The following CAPNS2 variants were observed in gnomAD, a reference collection of about 807,000 sequenced individuals.
CAPNS2 encodes calcium-dependent protease small subunit 2.
In CAPNS2, 13 loss-of-function variants were observed where a neutral mutation model predicts 17.5. The ratio of observed to expected loss-of-function variants is 0.74; its 90% CI spans 0.48 to 1.18. CAPNS2 has a LOEUF of 1.18. Ranked by LOEUF, CAPNS2 falls within the 50% of genes most tolerant of loss-of-function variation. CAPNS2 has a pLI of 0.00. For missense variants in CAPNS2, 279 were observed against 301.6 expected, an observed-to-expected ratio of 0.93 and a Z score of 0.55; for synonymous variants, 101 against 108.2, an observed-to-expected ratio of 0.93 and a Z score of 0.41.
chr16:55,567,645 G>A lies in CAPNS2; in HGVS notation c.*142G>A. On this transcript the variant is annotated 3_prime_UTR_variant, in exon 1 of 1. Transcript: ENST00000457326. ...CAACCCTACATATTTCTGATCATGT[G>A]CTGCCTTTTACTGCTGAATTAAAAC... The A allele has an allele frequency of 4.9e-6, 4 of 823,150 alleles. No individual in the cohort carries two copies. The highest frequency in any genetic ancestry group is 7.7e-6 in the Non-Finnish European group (4 of 519,072). The allele number at this position is 823,150 out of a possible 1,614,324, so 51.0% of individuals were successfully genotyped here. A position where few individuals can be genotyped will look rare whatever the true frequency, so the allele number is the denominator to read the frequency against.
rs1474638171 is a variant in CAPNS2 at position 55,567,497 on chromosome 16, T to C, written c.741T>C (p.Tyr247=). ...SIKEWLQLTM[Y]S The stretch of plus-strand genomic sequence containing the variant: ...AAGAATGGCTGCAGTTGACCATGTA[T>C]TCCTGAAGTGGGAACTGAGAAGTCA... The change falls in exon 1 of 1, where the codon TAT becomes TAC. Residue 247 remains tyrosine (Y), a synonymous_variant. Coordinates refer to ENST00000457326, the MANE Select transcript of CAPNS2 (RefSeq NM_032330.3). 1 of 1,612,386 alleles carries C rather than the reference T, an allele frequency of 6.2e-7. No homozygotes were observed. The highest frequency in any genetic ancestry group is 1.7e-5 in the Admixed American group (1 of 59,866).
rs745910807 is a variant in CAPNS2 at position 55,567,200 on chromosome 16, GAAC to G, written c.449_451del (p.Asn150del). ...GCTTTGAAGAATTTAAGTATCTGTGGAACAACATCAAGAAATGGCAGTGTGTTT... is the reference window on the plus strand; with the variant it reads ...GCTTTGAAGAATTTAAGTATCTGTGGAACATCAAGAAATGGCAGTGTGTTT... On this transcript the variant is annotated inframe_deletion, in exon 1 of 1. Coordinates refer to ENST00000457326, the MANE Select transcript of CAPNS2 (RefSeq NM_032330.3). 19 of 1,613,702 alleles carry G rather than the reference GAAC, an allele frequency of 1.2e-5. No individual in the cohort carries two copies. Among genetic ancestry groups the G allele is most frequent in the Admixed American group, 1.7e-5 (1 of 59,962 alleles).
chr16:55,567,154 G>T lies in CAPNS2; in HGVS notation c.398G>T (p.Ser133Ile). ...CGGAGCATTGTGTCTGTCATGGACAGTGACACGACTGGTAAGCTGGGCTTT... is the reference window on the plus strand; with the variant it reads ...CGGAGCATTGTGTCTGTCATGGACATTGACACGACTGGTAAGCTGGGCTTT... ...TCRSIVSVMD[S>I]DTTGKLGFEE... Residue 133 changes from serine (S) to isoleucine (I), a missense_variant, in exon 1 of 1, where the codon AGT becomes ATT. Ser to Ile is a moderately radical substitution (Grantham distance 142, BLOSUM62 -2). Transcript: ENST00000457326. 6.2e-7 allele frequency: 1 copy of T among 1,613,906 alleles called. No individual in the cohort carries two copies. The highest frequency in any genetic ancestry group is 1.3e-5 in the African/African-American group (1 of 75,036).
In CAPNS2 at chr16:55,567,648, G is replaced by A; in HGVS notation, c.*145G>A. On this transcript the variant is annotated 3_prime_UTR_variant, in exon 1 of 1. Transcript: ENST00000457326. Reference sequence around the variant, plus strand: ...CCCTACATATTTCTGATCATGTGCTGCCTTTTACTGCTGAATTAAAACAGA... The same window carrying A: ...CCCTACATATTTCTGATCATGTGCTACCTTTTACTGCTGAATTAAAACAGA... 1.3e-6 allele frequency: 1 copy of A among 763,500 alleles called. No homozygotes were observed. The highest frequency in any genetic ancestry group is 2.1e-6 in the Non-Finnish European group (1 of 468,206). The allele number at this position is 763,500 out of a possible 1,614,324, so 47.3% of individuals were successfully genotyped here.
Position 55,567,193 on chromosome 16 carries a change from A to G in CAPNS2, c.437A>G (p.Tyr146Cys), listed in dbSNP as rs376602006. ...AAGCTGGGCTTTGAAGAATTTAAGT[A>G]TCTGTGGAACAACATCAAGAAATGG... is the stretch of plus-strand genomic sequence containing the variant. The part of the protein sequence containing the change: ...TGKLGFEEFK[Y>C]LWNNIKKWQC... Residue 146 changes from tyrosine to cysteine, a missense_variant, in exon 1 of 1, where the codon TAT (tyrosine) becomes TGT (cysteine). Physicochemically the swap from Tyr to Cys is radical, Grantham distance 194 (BLOSUM62 -2). Coordinates refer to ENST00000457326, the MANE Select transcript of CAPNS2 (RefSeq NM_032330.3). 66 of 1,613,892 alleles carry G rather than the reference A, an allele frequency of 4.1e-5. No individual in the cohort carries two copies. Among genetic ancestry groups the G allele is most frequent in the African/African-American group, 5.3e-5 (4 of 75,050 alleles).
chr16:55,566,916 G>C lies in CAPNS2; in HGVS notation c.160G>C (p.Ala54Pro), dbSNP rs1393969131. 1 of 1,613,872 alleles carries C rather than the reference G, an allele frequency of 6.2e-7. No individual in the cohort carries two copies. Among genetic ancestry groups the C allele is most frequent in the East Asian group, 2.2e-5 (1 of 44,876 alleles). ...GAATTTTATCAGTGAGGCTGCAGCAGCTCAGTATACTCCAGAACCGCCTCC... is the reference window on the plus strand; with the variant it reads ...GAATTTTATCAGTGAGGCTGCAGCACCTCAGTATACTCCAGAACCGCCTCC... ...IVNFISEAAA[A>P]QYTPEPPPTQ... Residue 54 changes from alanine to proline, a missense_variant, in exon 1 of 1, where the codon GCT (alanine) becomes CCT (proline). By Grantham distance (27) the Ala-to-Pro change is conservative. Coordinates refer to ENST00000457326, the MANE Select transcript of CAPNS2 (RefSeq NM_032330.3).
In CAPNS2 at chr16:55,566,781, G is replaced by A. The variant is rs750924180; in HGVS notation, c.25G>A (p.Glu9Lys). The A allele has an allele frequency of 1.2e-6, 2 of 1,613,470 alleles. No homozygotes were observed. Among genetic ancestry groups the A allele is most frequent in the Non-Finnish European group, 1.7e-6 (2 of 1,179,718 alleles). Residue 9 changes from glutamate (E) to lysine (K), a missense_variant, in exon 1 of 1, where the codon GAA (glutamate) becomes AAA (lysine). Coordinates refer to ENST00000457326, the MANE Select transcript of CAPNS2 (RefSeq NM_032330.3). The stretch of plus-strand genomic sequence containing the variant: ...CATGTTTCTTGCAAAGGCTCTATTG[G>A]AAGGAGCAGATCGAGGTCTTGGAGA... MFLAKALLEGADRGLGEAL... is the reference protein window; with the variant it reads MFLAKALLKGADRGLGEAL...
At position 55,566,863 on chromosome 16, in the gene CAPNS2, A is replaced by G. The variant is rs1256725537; in HGVS notation, c.107A>G (p.Asn36Ser). The change falls in exon 1 of 1, where the codon AAT becomes AGT. Residue 36 changes from asparagine to serine, a missense_variant. Coordinates refer to ENST00000457326, the MANE Select transcript of CAPNS2 (RefSeq NM_032330.3). ...GGQRREGGGR[N>S]IGGIVGGIVN... is the part of the protein sequence containing the mutation. ...CAGAGAAGAGAAGGAGGAGGAAGAA[A>G]TATTGGAGGGATAGTTGGAGGAATT... 6.2e-7 allele frequency: 1 copy of G among 1,613,868 alleles called. No individual in the cohort carries two copies. Among genetic ancestry groups the G allele is most frequent in the Admixed American group, 1.7e-5 (1 of 59,966 alleles).
At position 55,566,788 on chromosome 16, in the gene CAPNS2, C is replaced by T; in HGVS notation, c.32C>T (p.Ala11Val). ...CTTGCAAAGGCTCTATTGGAAGGAG[C>T]AGATCGAGGTCTTGGAGAAGCTCTT... The part of the protein sequence containing the change: MFLAKALLEG[A>V]DRGLGEALGG... Residue 11 changes from alanine to valine, a missense_variant, in exon 1 of 1, where the codon GCA (alanine) becomes GTA (valine). Physicochemically the swap from Ala to Val is moderately conservative, Grantham distance 64. Coordinates refer to ENST00000457326, the MANE Select transcript of CAPNS2 (RefSeq NM_032330.3). 1 of 1,613,456 alleles carries T rather than the reference C, an allele frequency of 6.2e-7. No individual in the cohort carries two copies. The highest frequency in any genetic ancestry group is 8.5e-7 in the Non-Finnish European group (1 of 1,179,728).
Sources: allele counts gnomAD v4.1 joint callset, GRCh38; gene constraint gnomAD v4.1.1; transcripts MANE v1.5; gene names NCBI Gene and HGNC (gene_info 2026-07-23, HGNC 2026-07-21).